Variants in STAC observed in about 807,000 individuals in gnomAD.
STAC encodes SH3 and cysteine-rich domain-containing protein.
Under a neutral mutation model 48.8 loss-of-function variants are expected in STAC, and 43 were observed. The ratio of observed to expected loss-of-function variants is 0.88; its 90% CI spans 0.69 to 1.14. The LOEUF (loss-of-function observed/expected upper bound fraction) is 1.14. Ranked by LOEUF, STAC falls within the 50% of genes most tolerant of loss-of-function variation. The pLI, the probability that STAC is intolerant of heterozygous loss-of-function variation, is 0.00. For missense variants in STAC, 497 were observed against 504.0 expected (o/e 0.99, Z 0.13); for synonymous variants, 193 against 179.5 (o/e 1.07, Z -0.60).
intron 2 of STAC, among the ~76,000 whole-genome samples, chr3:36,474,892 T>C (rs993966730): frequency 6.6e-6 from 1 of 152,194 alleles, no homozygotes; most frequent in Middle Eastern, 3.2e-3. Flanking sequence ...TTTTAATCCC[T>C]TCCTACCTTT....
rs148459381 is a variant in STAC at position 36,531,383 on chromosome 3, G to A, written c.1110+2398G>A. 5.7e-3 allele frequency among the ~76,000 whole-genome samples: 871 copies of A among 152,280 alleles called. 26 individuals carry two copies. Among genetic ancestry groups the A allele is most frequent in the Admixed American group, 0.051 (780 of 15,294 alleles). On this transcript the variant is annotated intron_variant, in intron 10 of 10. Transcript: ENST00000273183. ...GACAATATTTTCTTTAATGGACAAC[G>A]TTAGGACCCTAAGCAATTTTGATGG...
chr3:36,394,584 G>C (rs542734261), intron 1 of STAC, among the ~76,000 whole-genome samples: 1 of 152,246 alleles, frequency 6.6e-6, no homozygotes, highest in South Asian at 2.1e-4. Flanking sequence ...GAATCTGGTA[G>C]CACATAGTGG....
intron 2 of STAC, among the ~76,000 whole-genome samples, chr3:36,468,454 G>C (rs1326298509): frequency 6.6e-6 from 1 of 151,774 alleles, no homozygotes; most frequent in Non-Finnish European, 1.5e-5. Flanking sequence ...TTTCTTTGTT[G>C]ACTTTCTGTC....
At chr3:36,384,699 G>A (rs1699579837) in intron 1 of STAC, among the ~76,000 whole-genome samples, 1 of 152,060 alleles carries the variant, frequency 6.6e-6, no homozygotes, top group Non-Finnish European at 1.5e-5. Context: ...ATAAGACATA[G>A]ACTCACCAGC....
In STAC at chr3:36,480,162, ATTCCCACAT is replaced by A. The variant is rs1380676910; in HGVS notation, c.389-2829_389-2821del. 2.0e-5 allele frequency among the ~76,000 whole-genome samples: 3 copies of A among 152,334 alleles called. No individual in the cohort carries two copies. In the East Asian group the frequency reaches 5.8e-4, roughly 29 times the overall value. ...CTTCCTCTTTGAAGCTTTTACTTAA[ATTCCCACAT>A]AGAGCACAAATAGCATTCTCTAATT... is the stretch of plus-strand genomic sequence containing the variant. On this transcript the variant is annotated intron_variant, in intron 2 of 10. Transcript: ENST00000273183.
intron 1 of STAC, among the ~76,000 whole-genome samples, chr3:36,441,164 C>T (rs1696336450): frequency 6.6e-6 from 1 of 152,016 alleles, no homozygotes; most frequent in Non-Finnish European, 1.5e-5. Context: ...TATAGTTATC[C>T]TACAGTGCTA....
chr3:36,513,942 A>G (rs530401166), intron 8 of STAC, among the ~76,000 whole-genome samples: 4 of 152,190 alleles, frequency 2.6e-5, no homozygotes, highest in Non-Finnish European at 1.5e-5. Flanking sequence ...ACCTGGGTTT[A>G]AGTCCTAGCC....
At chr3:36,444,372 C>T (rs1230674920) in intron 2 of STAC, among the ~76,000 whole-genome samples, 1 of 152,106 alleles carries the variant, frequency 6.6e-6, no homozygotes, top group Non-Finnish European at 1.5e-5. Context: ...TAAAAATGGC[C>T]ATGTTTTACT....
At position 36,464,158 on chromosome 3, in the gene STAC, A is replaced by C. The variant is rs934860929; in HGVS notation, c.389-18834A>C. Among the ~76,000 whole-genome samples the C allele has an allele frequency of 1.1e-4, 16 of 152,258 alleles. No homozygotes were observed. In the East Asian group the frequency reaches 2.7e-3, roughly 26 times the overall value. ...CAACAGTGTAAAAGTGTTCCTATTT[A>C]TGCACATCCTCTCCAGCACCTGTTG... On this transcript the variant is annotated intron_variant, in intron 2 of 10. Coordinates refer to ENST00000273183, the MANE Select transcript of STAC (RefSeq NM_003149.3).
intron 10 of STAC, among the ~76,000 whole-genome samples, chr3:36,544,384 G>A (rs1242293640): frequency 1.3e-5 from 2 of 152,114 alleles, no homozygotes; most frequent in Non-Finnish European, 2.9e-5. Context: ...TGGCCCGGCT[G>A]GTCATGAACT....
chr3:36,390,869 A>C (rs955235623), intron 1 of STAC, among the ~76,000 whole-genome samples: 12 of 152,068 alleles, frequency 7.9e-5, no homozygotes, highest in Admixed American at 6.5e-4. Flanking sequence ...AAATTTGAAA[A>C]TTTTTTTCCA....
chr3:36,466,750 A>G lies in STAC; in HGVS notation c.389-16242A>G, dbSNP rs1697185978. Among the ~76,000 whole-genome samples the G allele has an allele frequency of 2.0e-5, 3 of 151,954 alleles. No homozygotes were observed. The South Asian group carries it at 6.2e-4, about 32-fold the overall frequency. On this transcript the variant is annotated intron_variant, in intron 2 of 10. Coordinates refer to ENST00000273183, the MANE Select transcript of STAC (RefSeq NM_003149.3). ...ATCAATTCTAGGAGCTTTTTGGATG[A>G]CTCTTTAGGGTTTTCTAGGTATAGG...
chr3:36,548,003 A>T lies in STAC; in HGVS notation c.*1714A>T, dbSNP rs1699485853. 1 of 150,288 alleles carries T rather than the reference A, an allele frequency of 6.7e-6. No individual in the cohort carries two copies. The highest frequency in any genetic ancestry group is 2.4e-5 in the African/African-American group (1 of 41,350). 9.3% of individuals were successfully genotyped at this position (150,288 alleles called of 1,614,324 possible). A position where few individuals can be genotyped will look rare whatever the true frequency, so the allele number is the denominator to read the frequency against. On this transcript the variant is annotated 3_prime_UTR_variant, in exon 11 of 11. Transcript: ENST00000273183. ...AATACAGTGGCTGGAAAGGAGCATC[A>T]GAAACATGTGTCCTGATCTCTTCTT...
At chr3:36,526,338 G>C (rs1698935983) in intron 8 of STAC, among the ~76,000 whole-genome samples, 1 of 152,090 alleles carries the variant, frequency 6.6e-6, no homozygotes, top group Non-Finnish European at 1.5e-5. Context: ...CCTATCCCTT[G>C]AGTCTGAACT....
In STAC at chr3:36,526,594, G is replaced by A. The variant is rs147226875; in HGVS notation, c.921-2102G>A. Among the ~76,000 whole-genome samples the A allele has an allele frequency of 3.9e-5, 6 of 152,268 alleles. No individual in the cohort carries two copies. In the East Asian group the frequency reaches 1.2e-3, roughly 29 times the overall value. On this transcript the variant is annotated intron_variant, in intron 8 of 10. Coordinates refer to ENST00000273183, the MANE Select transcript of STAC (RefSeq NM_003149.3). ...AGTGAGCCATTGGGGTTTTGTGGCT[G>A]TTTATCACACAGCATTACTGTGACA...
chr3:36,470,928 C>G (rs1270242632), intron 2 of STAC, among the ~76,000 whole-genome samples: 1 of 152,144 alleles, frequency 6.6e-6, no homozygotes, highest in South Asian at 2.1e-4. Context: ...TTAAAGTGAA[C>G]TTTTATAAAG....
chr3:36,411,323 T>C lies in STAC; in HGVS notation c.111+30569T>C, dbSNP rs569089229. Among the ~76,000 whole-genome samples, 70 of 152,326 alleles carry C rather than the reference T, an allele frequency of 4.6e-4. 1 individual carries two copies. In the South Asian group the frequency reaches 5.8e-3, roughly 13 times the overall value. On this transcript the variant is annotated intron_variant, in intron 1 of 10. Transcript: ENST00000273183. ...AGTCAGGTCTCTTAGAGTCAAGTAA[T>C]GATGTTCTATAACACTGAGAATAAA...
At chr3:36,454,838 T>C (rs536939046) in intron 2 of STAC, among the ~76,000 whole-genome samples, 102 of 152,280 alleles carry the variant, frequency 6.7e-4, no homozygotes, top group African/African-American at 2.4e-3. Flanking sequence ...GGGGGGAATA[T>C]TTTTTAAGTC....
At chr3:36,492,089 C>T (rs1698002582) in intron 5 of STAC, among the ~76,000 whole-genome samples, 1 of 111,576 alleles carries the variant, frequency 9.0e-6, no homozygotes, top group African/African-American at 3.4e-5. Flanking sequence ...CAGAGGCCCC[C>T]TAAATTCCTC....
Sources: allele counts gnomAD v4.1 joint callset (sites outside exome capture counted in the v4.1 genomes callset), GRCh38; gene constraint gnomAD v4.1.1; transcripts MANE v1.5; gene names NCBI Gene and HGNC (gene_info 2026-07-23, HGNC 2026-07-21).